Variants in CSMD1 observed in about 807,000 individuals in gnomAD.
CSMD1 encodes CUB and sushi domain-containing protein 1.
A neutral mutation model predicts 417.5 loss-of-function variants in CSMD1; 213 were observed. The observed-to-expected ratio is 0.51, with a 90% CI of 0.46 to 0.57. CSMD1 has a LOEUF of 0.57. Among genes scored for constraint, CSMD1 ranks in the 20% least tolerant of loss-of-function variants. The pLI, the probability that CSMD1 is intolerant of heterozygous loss-of-function variation, is 0.00. For missense variants in CSMD1, 6,923 were observed against 4,529.7 expected (o/e 1.53, Z -15.17); for synonymous variants, 2,862 against 1,736.8 (o/e 1.65, Z -16.11).
chr8:3,331,517 T>C (rs1381133487), intron 23 of CSMD1, among the ~76,000 whole-genome samples: 2 of 152,208 alleles, frequency 1.3e-5, no homozygotes, highest in Non-Finnish European at 2.9e-5. Flanking sequence ...TCACTAATGA[T>C]AGGACCTTAA....
At chr8:3,986,822 C>G (rs1172708573) in intron 5 of CSMD1, among the ~76,000 whole-genome samples, 2 of 152,182 alleles carry the variant, frequency 1.3e-5, no homozygotes, top group East Asian at 1.9e-4. Flanking sequence ...GTGATGCGAT[C>G]TCGGCTCACT....
intron 2 of CSMD1, among the ~76,000 whole-genome samples, chr8:4,551,713 CCCAGGCTGGAGT>C (rs956646665): frequency 2.6e-5 from 4 of 152,142 alleles, no homozygotes; most frequent in African/African-American, 7.2e-5. Flanking sequence ...TGCTCTATCT[CCCAGGCTGGAGT>C]CCAGGCTGGA....
chr8:3,569,275 T>G (rs1799846939), intron 10 of CSMD1, among the ~76,000 whole-genome samples: 1 of 152,194 alleles, frequency 6.6e-6, no homozygotes, highest in South Asian at 2.1e-4. Flanking sequence ...TATAGCATGA[T>G]AACATGTGAT....
At chr8:4,420,252 G>A (rs973238105) in intron 2 of CSMD1, among the ~76,000 whole-genome samples, 187 bp from the exon 3 acceptor site, 2 of 152,144 alleles carry the variant, frequency 1.3e-5, no homozygotes, top group Admixed American at 1.3e-4. Flanking sequence ...TTTCAAGTAT[G>A]AGAATATGTT....
intron 3 of CSMD1, among the ~76,000 whole-genome samples, chr8:4,218,734 A>G (rs778064929): frequency 5.9e-5 from 9 of 152,196 alleles, no homozygotes; most frequent in East Asian, 1.9e-4. Context: ...ACTGGTTTCA[A>G]TACAAACCTG....
intron 42 of CSMD1, among the ~76,000 whole-genome samples, chr8:3,115,204 CCCTT>C (rs1816792092): frequency 7.1e-6 from 1 of 139,952 alleles, no homozygotes. Context: ...TCCCCCCCCC[CCCTT>C]TTTTTTTTTT....
intron 6 of CSMD1, among the ~76,000 whole-genome samples, chr8:3,715,656 C>T (rs879291959): frequency 9.2e-5 from 14 of 152,160 alleles, no homozygotes; most frequent in Non-Finnish European, 2.1e-4. Flanking sequence ...GATTCTCCTG[C>T]CTTGGCCTCC....
Position 3,422,525 on chromosome 8 carries a change from A to G in CSMD1, c.1562-12920T>C, listed in dbSNP as rs138403819. Among the ~76,000 whole-genome samples the G allele has an allele frequency of 8.2e-4, 125 of 152,292 alleles. 3 individuals carry two copies. In the South Asian group the frequency reaches 0.011, roughly 13 times the overall value. Reference sequence around the variant, plus strand: ...TTTTAAAAGGTATACTACTGAAGAAATCTATTGTAAGACACAAACAGAAGA... The same window carrying G: ...TTTTAAAAGGTATACTACTGAAGAAGTCTATTGTAAGACACAAACAGAAGA... On this transcript the variant is annotated intron_variant, in intron 12 of 69. Transcript: ENST00000635120.
chr8:4,859,086 G>C (rs1206447846), intron 1 of CSMD1, among the ~76,000 whole-genome samples: 1 of 151,994 alleles, frequency 6.6e-6, no homozygotes, highest in Non-Finnish European at 1.5e-5. Flanking sequence ...CAATGGAACA[G>C]AACAGAGCCC....
chr8:3,511,762 A>AATAACATAAC lies in CSMD1; in HGVS notation c.1345-18046_1345-18037dup, dbSNP rs200325169. ...CAGAGTGAGACTCCATCTCTAAAAA[A>AATAACATAAC]ATAACATAACATAACATAACATAAC... is the stretch of plus-strand genomic sequence containing the variant. On this transcript the variant is annotated intron_variant, in intron 10 of 69. Transcript: ENST00000635120. Among the ~76,000 whole-genome samples, 1,293 of 138,390 alleles carry AATAACATAAC rather than the reference A, an allele frequency of 9.3e-3. 10 individuals are homozygous for AATAACATAAC. Among genetic ancestry groups the AATAACATAAC allele is most frequent in the Middle Eastern group, 0.018 (5 of 278 alleles). The allele number at this position is 138,390 out of a possible 152,430, so 90.8% of individuals were successfully genotyped here. A position where few individuals can be genotyped will look rare whatever the true frequency, so the allele number is the denominator to read the frequency against.
chr8:4,308,300 G>A (rs929220035), intron 3 of CSMD1, among the ~76,000 whole-genome samples: 3 of 151,966 alleles, frequency 2.0e-5, no homozygotes, highest in Non-Finnish European at 4.4e-5. Flanking sequence ...TGTGAAGTTT[G>A]AAGTGTATGT....
chr8:4,397,523 C>CTGGACTCT (rs1804327704), intron 3 of CSMD1, among the ~76,000 whole-genome samples: 4 of 59,936 alleles, frequency 6.7e-5, no homozygotes, highest in Non-Finnish European at 6.3e-5. Flanking sequence ...GCCTGAGACT[C>CTGGACTCT]TTTTTTTTTT....
intron 5 of CSMD1, among the ~76,000 whole-genome samples, chr8:3,828,622 A>G (rs75149468): frequency 1.3e-5 from 2 of 152,052 alleles, no homozygotes; most frequent in Non-Finnish European, 1.5e-5. Flanking sequence ...TCCTGTCCCA[A>G]TCCCAGTCAT....
At chr8:4,367,293 C>T (rs1257993335) in intron 3 of CSMD1, among the ~76,000 whole-genome samples, 2 of 152,082 alleles carry the variant, frequency 1.3e-5, no homozygotes, top group East Asian at 3.9e-4. Flanking sequence ...ACAGTTTTCC[C>T]AGCTCCATTT....
At chr8:4,854,561 G>A (rs143445525) in intron 1 of CSMD1, among the ~76,000 whole-genome samples, 218 of 152,264 alleles carry the variant, frequency 1.4e-3, no homozygotes, top group Admixed American at 3.8e-3. Flanking sequence ...TGCGCGCACC[G>A]TGCGTGAGCT....
At chr8:3,570,947 C>G (rs1226944320) in intron 10 of CSMD1, among the ~76,000 whole-genome samples, 1 of 152,070 alleles carries the variant, frequency 6.6e-6, no homozygotes, top group Admixed American at 6.6e-5. Flanking sequence ...ATAATAGAAA[C>G]TAAAATGTGC....
intron 12 of CSMD1, among the ~76,000 whole-genome samples, chr8:3,465,730 G>C (rs779259948): frequency 6.6e-5 from 10 of 152,162 alleles, no homozygotes; most frequent in African/African-American, 9.7e-5. Flanking sequence ...TAATGAGTGA[G>C]GTTACAATGA....
chr8:4,461,858 A>C (rs1799850497), intron 2 of CSMD1, among the ~76,000 whole-genome samples: 1 of 149,432 alleles, frequency 6.7e-6, no homozygotes, highest in African/African-American at 2.5e-5. Flanking sequence ...CTCCTGCCTC[A>C]GCCTCCCGAG....
intron 7 of CSMD1, among the ~76,000 whole-genome samples, chr8:3,640,185 G>C (rs905763740): frequency 1.3e-5 from 2 of 152,170 alleles, no homozygotes; most frequent in African/African-American, 2.4e-5. Flanking sequence ...AGCTGGTGCA[G>C]GGATATTGCA....
Sources: allele counts gnomAD v4.1 joint callset (sites outside exome capture counted in the v4.1 genomes callset), GRCh38; gene constraint gnomAD v4.1.1; transcripts MANE v1.5; gene names NCBI Gene and HGNC (gene_info 2026-07-23, HGNC 2026-07-21).